KYNU: variants seen among roughly 807,000 people sequenced by gnomAD.
The protein encoded by KYNU is kynureninase.
A neutral mutation model predicts 59.2 loss-of-function variants in KYNU; 54 were observed. That is an observed-to-expected ratio of 0.91 (90% CI 0.73 to 1.14). The LOEUF is 1.14. Among genes scored for constraint, KYNU ranks in the 50% most tolerant of loss-of-function variants. The pLI, the probability that KYNU is intolerant of heterozygous loss-of-function variation, is 0.00. For synonymous variants in KYNU, 177 were observed against 192.0 expected (o/e 0.92, Z 0.65); for missense variants, 567 against 554.4 (o/e 1.02, Z -0.23).
In KYNU at chr2:142,920,434, T is replaced by C. The variant is rs559370131; in HGVS notation, c.290+1705T>C. On this transcript the variant is annotated intron_variant, in intron 3 of 13. Coordinates refer to ENST00000264170, the MANE Select transcript of KYNU (RefSeq NM_003937.3). ...CCTCTTGGATATTCATTCAGCAAGG[T>C]TGTGAATTTTTATCCCCTAAGCATT... Among the ~76,000 whole-genome samples the C allele has an allele frequency of 3.9e-5, 6 of 152,344 alleles. No individual in the cohort carries two copies. In the South Asian group the frequency reaches 1.0e-3, roughly 26 times the overall value.
intron 2 of KYNU, among the ~76,000 whole-genome samples, chr2:142,908,910 A>G (rs942001422): frequency 6.6e-6 from 1 of 152,226 alleles, no homozygotes; most frequent in Non-Finnish European, 1.5e-5. Flanking sequence ...CTGGGATTAC[A>G]GGTGTGAGAC....
intron 2 of KYNU, among the ~76,000 whole-genome samples, chr2:142,900,826 T>C (rs924400820): frequency 6.6e-6 from 1 of 152,182 alleles, no homozygotes; most frequent in Non-Finnish European, 1.5e-5. Flanking sequence ...TGTTATTAAC[T>C]TGGAGCATGG....
At chr2:142,977,195 G>C (rs544713411) in intron 8 of KYNU, among the ~76,000 whole-genome samples, 13 of 152,128 alleles carry the variant, frequency 8.5e-5, no homozygotes, top group African/African-American at 3.1e-4. Context: ...TTGGCCAAGA[G>C]GAGGGGTCCA....
At chr2:142,946,329 A>C (rs351691) in intron 4 of KYNU, among the ~76,000 whole-genome samples, 84,596 of 151,790 alleles carry the variant, frequency 0.56, 24,601 homozygotes, top group African/African-American at 0.71. Context: ...TCCAATCCAC[A>C]TGCCTAGGCC....
intron 1 of KYNU, among the ~76,000 whole-genome samples, chr2:142,879,161 G>A (rs931819575): frequency 4.6e-5 from 7 of 152,174 alleles, no homozygotes; most frequent in Admixed American, 3.3e-4. Context: ...AGCTGCTGGG[G>A]TGAATGCAGA....
intron 4 of KYNU, among the ~76,000 whole-genome samples, chr2:142,934,810 G>A (rs1000541887): frequency 1.3e-5 from 2 of 152,194 alleles, no homozygotes; most frequent in Admixed American, 6.5e-5. Flanking sequence ...AAGGGATGGG[G>A]GCGGTCCTTG....
intron 2 of KYNU, among the ~76,000 whole-genome samples, chr2:142,914,072 C>A (rs528629669): frequency 6.6e-6 from 1 of 152,186 alleles, no homozygotes; most frequent in Non-Finnish European, 1.5e-5. Context: ...AAGGCCTGTG[C>A]GGCTCCACTG....
At chr2:143,008,661 A>T (rs1431781814) in intron 10 of KYNU, among the ~76,000 whole-genome samples, 3 of 34,264 alleles carry the variant, frequency 8.8e-5, no homozygotes, top group Admixed American at 3.3e-4. Context: ...CTTGGAAGTA[A>T]AGCTCTCCTC....
chr2:142,963,271 T>C (rs1684411492), intron 8 of KYNU, among the ~76,000 whole-genome samples: 1 of 152,214 alleles, frequency 6.6e-6, no homozygotes, highest in Non-Finnish European at 1.5e-5. Context: ...TTTCCAATAC[T>C]CAGAATCCTC....
At chr2:143,006,685 C>T (rs904077907) in intron 10 of KYNU, among the ~76,000 whole-genome samples, 1 of 151,390 alleles carries the variant, frequency 6.6e-6, no homozygotes, top group Non-Finnish European at 1.5e-5. Flanking sequence ...AGCAGTGGCT[C>T]TCCCAGCACG....
At chr2:142,980,209 T>G (rs1043326666) in intron 8 of KYNU, among the ~76,000 whole-genome samples, 2 of 144,348 alleles carry the variant, frequency 1.4e-5, no homozygotes, top group African/African-American at 2.9e-5. Context: ...TATAATTAGC[T>G]TATAATGCTA....
intron 4 of KYNU, 56 bp from the exon 5 acceptor site, chr2:142,954,754 T>C: frequency 8.5e-7 from 1 of 1,179,296 alleles, no homozygotes; most frequent in Non-Finnish European, 1.3e-6. Flanking sequence ...ACTTTGTTTT[T>C]TCAGTATCTT....
At chr2:142,882,478 C>A (rs1404920868) in intron 1 of KYNU, among the ~76,000 whole-genome samples, 1 of 152,170 alleles carries the variant, frequency 6.6e-6, no homozygotes, top group Admixed American at 6.5e-5. Context: ...ATTCCTCCCC[C>A]ATCCCCCCAC....
rs528289461 is a variant in KYNU, at chr2:142,887,050, G to A, written c.169+1514G>A. Among the ~76,000 whole-genome samples the A allele has an allele frequency of 5.8e-3, 874 of 151,976 alleles. 7 individuals carry two copies. The highest frequency in any genetic ancestry group is 8.5e-3 in the Non-Finnish European group (575 of 67,920). ...CCGGGCGTAGTGGCGGGCGCCTGTA[G>A]TCCCAGCTGCTCGGGAGGCTGAGGC... On this transcript the variant is annotated intron_variant, in intron 2 of 13. Transcript: ENST00000264170.
intron 10 of KYNU, among the ~76,000 whole-genome samples, chr2:142,992,248 C>T (rs1038357786): frequency 6.6e-6 from 1 of 151,566 alleles, no homozygotes; most frequent in Non-Finnish European, 1.5e-5. Flanking sequence ...AAGGAAATAA[C>T]TGGAATATCA....
At position 143,040,460 on chromosome 2, in the gene KYNU, G is replaced by GA. The variant is rs1687011530; in HGVS notation, c.1080dup (p.Ser361IlefsTer15). On this transcript the variant is annotated frameshift_variant, in exon 13 of 14. Transcript: ENST00000264170. LOFTEE classifies it high-confidence loss of function. Reference sequence around the variant, plus strand: ...AGCAAGCGACAATGAAGGCATTGCGGAAAAAATCTGTTTTGCTAACTGGCT... The same window carrying GA: ...AGCAAGCGACAATGAAGGCATTGCGGAAAAAAATCTGTTTTGCTAACTGGCT... 2 of 1,613,002 alleles carry GA rather than the reference G, an allele frequency of 1.2e-6. No individual in the cohort carries two copies. The highest frequency in any genetic ancestry group is 1.3e-5 in the African/African-American group (1 of 74,970).
intron 2 of KYNU, among the ~76,000 whole-genome samples, chr2:142,900,107 C>T (rs554090817): frequency 4.6e-5 from 7 of 152,264 alleles, no homozygotes; most frequent in South Asian, 4.1e-4. Flanking sequence ...GGAAGAGAAC[C>T]GTGGAACCCA....
Position 142,912,282 on chromosome 2 carries a change from A to G in KYNU, c.170-6327A>G, listed in dbSNP as rs371280655. On this transcript the variant is annotated intron_variant, in intron 2 of 13. Transcript: ENST00000264170. ...ACCTGGTTTAGTCTTGGGAGGTTGTATCTTTCCAGGAATTTATCTATTTCC... is the reference window on the plus strand; with the variant it reads ...ACCTGGTTTAGTCTTGGGAGGTTGTGTCTTTCCAGGAATTTATCTATTTCC... Among the ~76,000 whole-genome samples the G allele has an allele frequency of 1.3e-4, 19 of 150,914 alleles. No homozygotes were observed. The East Asian group carries it at 3.5e-3, about 28-fold the overall frequency.
In KYNU at chr2:142,928,564, G is replaced by A. The variant is rs531095102; in HGVS notation, c.373+823G>A. On this transcript the variant is annotated intron_variant, in intron 4 of 13. Transcript: ENST00000264170. ...AGAGAGAAAATCAACGTGGCTGGAA[G>A]GGAAATGGAGTGGGGAAAGCTGGAC... Among the ~76,000 whole-genome samples, 3 of 152,278 alleles carry A rather than the reference G, an allele frequency of 2.0e-5. No homozygotes were observed. The East Asian group carries it at 5.8e-4, about 29-fold the overall frequency.
Sources: gnomAD v4.1 joint callset for allele counts (sites outside exome capture counted in the v4.1 genomes callset) on GRCh38, gnomAD v4.1.1 for gene constraint, MANE v1.5 for transcripts, NCBI Gene and HGNC (gene_info 2026-07-23, HGNC 2026-07-21) for gene names.